Variants in L3MBTL4 observed in about 807,000 individuals in gnomAD.
L3MBTL4 encodes the protein L3MBTL histone methyl-lysine binding protein 4.
L3MBTL4 carries 70 observed loss-of-function variants against 84.5 expected under a neutral mutation model. That is an observed-to-expected ratio of 0.83 (90% CI 0.68 to 1.01). L3MBTL4 has a LOEUF of 1.01. L3MBTL4 is among the 50% of genes least tolerant of loss of function. The probability of loss-of-function intolerance (pLI) is 0.00; values close to 1 mark genes in which losing one functional copy is unlikely to be tolerated. For missense variants in L3MBTL4, 715 were observed against 754.8 expected, an observed-to-expected ratio of 0.95 and a Z score of 0.62; for synonymous variants, 274 against 259.8, an observed-to-expected ratio of 1.05 and a Z score of -0.52.
chr18:6,021,917 C>A (rs1042707986), intron 16 of L3MBTL4, among the ~76,000 whole-genome samples: 3 of 152,262 alleles, frequency 2.0e-5, no homozygotes, highest in South Asian at 2.1e-4. Flanking sequence ...ATGTGCTGAG[C>A]GCTGCTGGGA....
intron 10 of L3MBTL4, among the ~76,000 whole-genome samples, chr18:6,229,546 T>C (rs192443625): frequency 7.2e-5 from 11 of 152,302 alleles, no homozygotes; most frequent in African/African-American, 2.4e-4. Context: ...CAAGAAATCA[T>C]TGCCAAATCC....
intron 1 of L3MBTL4, among the ~76,000 whole-genome samples, chr18:6,324,376 C>A (rs892840631): frequency 1.3e-5 from 2 of 152,180 alleles, no homozygotes; most frequent in South Asian, 2.1e-4. Context: ...GGTAAAGCAA[C>A]CTACAGCTTG....
intron 4 of L3MBTL4, 82 bp from the exon 5 acceptor site, chr18:6,264,120 A>T (rs1229308584): frequency 2.9e-6 from 3 of 1,023,522 alleles, no homozygotes; most frequent in Admixed American, 1.9e-5. Context: ...TAAACTCAAG[A>T]AGCAGGCTAA....
At chr18:6,151,283 T>C (rs1412326153) in intron 13 of L3MBTL4, among the ~76,000 whole-genome samples, 1 of 152,232 alleles carries the variant, frequency 6.6e-6, no homozygotes, top group Non-Finnish European at 1.5e-5. Flanking sequence ...TCATAAGTCA[T>C]ATTATGGTAT....
At chr18:6,015,687 G>A (rs1037067841) in intron 16 of L3MBTL4, among the ~76,000 whole-genome samples, 3 of 152,156 alleles carry the variant, frequency 2.0e-5, no homozygotes, top group Admixed American at 6.5e-5. Context: ...GGCTGGGTGC[G>A]GTGGCTCACG....
Position 6,028,808 on chromosome 18 carries a change from A to T in L3MBTL4, c.1444+52073T>A, listed in dbSNP as rs1460487919. On this transcript the variant is annotated intron_variant, in intron 16 of 18. Transcript: ENST00000317931. ...GTAGCAATTGTGAATGGGAGTTCAC[A>T]GCTAGTGTTTATACTAATGAGACTT... Among the ~76,000 whole-genome samples the T allele has an allele frequency of 4.6e-5, 7 of 152,140 alleles. 1 individual carries two copies. The highest frequency in any genetic ancestry group is 4.1e-4 in the South Asian group (2 of 4,824).
intron 13 of L3MBTL4, among the ~76,000 whole-genome samples, chr18:6,152,932 A>G (rs559566328): frequency 6.6e-6 from 1 of 152,280 alleles, no homozygotes. Flanking sequence ...ACAAGGGTCC[A>G]ATTTCATTCT....
At chr18:6,271,428 C>T (rs973424110) in intron 4 of L3MBTL4, among the ~76,000 whole-genome samples, 3 of 152,050 alleles carry the variant, frequency 2.0e-5, no homozygotes, top group Non-Finnish European at 4.4e-5. Context: ...TGCAGAAATT[C>T]GATCAACAGG....
intron 13 of L3MBTL4, among the ~76,000 whole-genome samples, chr18:6,166,910 CA>C (rs2043692100): frequency 6.6e-6 from 1 of 151,956 alleles, no homozygotes. Context: ...AAAAGATCAA[CA>C]AAATTGATAG....
chr18:6,153,501 T>C (rs577188716), intron 13 of L3MBTL4, among the ~76,000 whole-genome samples: 1 of 152,220 alleles, frequency 6.6e-6, no homozygotes, highest in African/African-American at 2.4e-5. Flanking sequence ...GGATAGCTCA[T>C]TGTTAGTGTA....
At chr18:6,384,144 G>A (rs2054715691) in intron 1 of L3MBTL4, among the ~76,000 whole-genome samples, 1 of 152,100 alleles carries the variant, frequency 6.6e-6, no homozygotes. Context: ...ATCAGAAGGA[G>A]GAAGCCACTG....
chr18:6,305,632 G>A (rs1296628882), intron 3 of L3MBTL4, among the ~76,000 whole-genome samples: 6 of 152,100 alleles, frequency 3.9e-5, no homozygotes, highest in South Asian at 2.1e-4. Flanking sequence ...AAAAAATAGC[G>A]TTCTGAAAAA....
Position 6,402,503 on chromosome 18 carries a change from C to G in L3MBTL4, c.-91+12298G>C, listed in dbSNP as rs555883174. On this transcript the variant is annotated intron_variant, in intron 1 of 18. Transcript: ENST00000317931. ...AGTGGTCACTCAATTGCACACCTCT[C>G]TCTATTCTACAAAATCTATCTACAA... Among the ~76,000 whole-genome samples, 236 of 152,256 alleles carry G rather than the reference C, an allele frequency of 1.6e-3. 1 individual carries two copies. The highest frequency in any genetic ancestry group is 5.5e-3 in the African/African-American group (227 of 41,548).
At chr18:6,286,128 C>A (rs1568437921) in intron 4 of L3MBTL4, among the ~76,000 whole-genome samples, 1 of 151,802 alleles carries the variant, frequency 6.6e-6, no homozygotes, top group Non-Finnish European at 1.5e-5. Flanking sequence ...CCATGCCCGG[C>A]CTGAACTTTC....
intron 14 of L3MBTL4, among the ~76,000 whole-genome samples, chr18:6,117,315 T>C (rs1721988882): frequency 6.6e-6 from 1 of 152,188 alleles, no homozygotes; most frequent in South Asian, 2.1e-4. Context: ...AATTATTTTT[T>C]CAGCAAAGTA....
chr18:6,409,238 T>C (rs2055864822), intron 1 of L3MBTL4, among the ~76,000 whole-genome samples: 3 of 152,208 alleles, frequency 2.0e-5, no homozygotes, highest in Admixed American at 2.0e-4. Flanking sequence ...TATCCATTAA[T>C]ACAGGCCTGG....
chr18:6,208,444 T>G lies in L3MBTL4; in HGVS notation c.981+4705A>C, dbSNP rs183592585. Among the ~76,000 whole-genome samples, 4 of 152,338 alleles carry G rather than the reference T, an allele frequency of 2.6e-5. No individual in the cohort carries two copies. In the East Asian group the frequency reaches 7.7e-4, roughly 29 times the overall value. ...GTTAATGCATTAAATAGGAAAAGAC[T>G]TGTTGAAGAGACTCAATTTATTAAT... On this transcript the variant is annotated intron_variant, in intron 12 of 18. Transcript: ENST00000317931.
At chr18:6,042,749 C>T (rs2056457255) in intron 16 of L3MBTL4, among the ~76,000 whole-genome samples, 1 of 152,164 alleles carries the variant, frequency 6.6e-6, no homozygotes, top group South Asian at 2.1e-4. Flanking sequence ...CTAGGCCTTT[C>T]TGGAACACCC....
chr18:6,133,555 A>G (rs1450899317), intron 14 of L3MBTL4, among the ~76,000 whole-genome samples: 5 of 151,302 alleles, frequency 3.3e-5, no homozygotes, highest in Admixed American at 1.3e-4. Flanking sequence ...TCCTCCCCTC[A>G]CAGAGCACTA....
Sources: gnomAD v4.1 joint callset for allele counts (sites outside exome capture counted in the v4.1 genomes callset) on GRCh38, gnomAD v4.1.1 for gene constraint, MANE v1.5 for transcripts, NCBI Gene and HGNC (gene_info 2026-07-23, HGNC 2026-07-21) for gene names.